ATM: variants seen among roughly 807,000 people sequenced by gnomAD.
ATM encodes serine-protein kinase ATM.
A neutral mutation model predicts 387.0 loss-of-function variants in ATM; 308 were observed. The ratio of observed to expected loss-of-function variants is 0.80; its 90% CI spans 0.73 to 0.87. ATM has a LOEUF of 0.87. Ranked by LOEUF, ATM falls within the 40% of genes least tolerant of loss-of-function variation. ATM has a pLI of 0.00. For missense variants in ATM, 3,312 were observed against 3,560.9 expected (o/e 0.93, Z 1.78); for synonymous variants, 1,156 against 1,187.3 (o/e 0.97, Z 0.54).
chr11:108,253,757 T>C (rs2135363919), intron 12 of ATM, 57 bp from the exon 13 acceptor site: 2 of 1,324,552 alleles, frequency 1.5e-6, no homozygotes, highest in Non-Finnish European at 2.2e-6. Flanking sequence ...TGCTAATACA[T>C]ATAAGGCAAA....
rs1555091169 is a variant in ATM, at chr11:108,281,029, A to G, written c.3437A>G (p.Glu1146Gly). The stretch of plus-strand genomic sequence containing the variant: ...GCTGAGAACCCTGAAACTTTGGATG[A>G]AATTTATAATAGAAAATCTGTTTTA... ...HSAENPETLDEIYNRKSVLLT... is the reference protein window; with the variant it reads ...HSAENPETLDGIYNRKSVLLT... The change falls in exon 24 of 63, where the codon GAA becomes GGA. Residue 1146 changes from glutamate (E) to glycine (G), a missense_variant. Around this residue, in one of 4 missense-constraint regions of ATM, gnomAD observed 1,791 missense variants for 1,804.5 expected, o/e 0.99. Coordinates refer to ENST00000675843, the MANE Select transcript of ATM (RefSeq NM_000051.4). The G allele has an allele frequency of 1.9e-6, 3 of 1,613,516 alleles. No homozygotes were observed. The highest frequency in any genetic ancestry group is 1.1e-5 in the South Asian group (1 of 90,982).
intron 8 of ATM, among the ~76,000 whole-genome samples, chr11:108,247,970 C>T (rs1472992359): frequency 3.3e-5 from 5 of 152,152 alleles, no homozygotes. Flanking sequence ...TCTCCTAGAT[C>T]CTGGCAACCA....
chr11:108,312,009 A>C (rs61915065), intron 39 of ATM, among the ~76,000 whole-genome samples: 3,484 of 152,268 alleles, frequency 0.023, 61 homozygotes, highest in Middle Eastern at 0.044. Context: ...AGATGTCTTA[A>C]ATTTATATCT....
At chr11:108,335,999 A>G (rs2136703737) in intron 56 of ATM, 38 bp downstream of exon 56, 1 of 1,493,962 alleles carries the variant, frequency 6.7e-7, no homozygotes, top group East Asian at 2.3e-5. Context: ...CCAAAAACAT[A>G]TAAAAGATGC....
chr11:108,265,885 G>A (rs1408673842), intron 16 of ATM, among the ~76,000 whole-genome samples: 3 of 139,890 alleles, frequency 2.1e-5, no homozygotes, highest in East Asian at 2.0e-4. Flanking sequence ...ATGAAAAAAT[G>A]CTCATCATCA....
At chr11:108,254,777 G>T (rs4987956) in intron 13 of ATM, among the ~76,000 whole-genome samples, 4 of 152,040 alleles carry the variant, frequency 2.6e-5, no homozygotes, top group Non-Finnish European at 5.9e-5. Flanking sequence ...TCAGTCTTCC[G>T]AGTAGCTGGG....
chr11:108,307,975 G>C lies in ATM; in HGVS notation c.5753G>C (p.Arg1918Thr), dbSNP rs148064985. The C allele has an allele frequency of 4.5e-5, 73 of 1,610,634 alleles. No individual in the cohort carries two copies. Among genetic ancestry groups the C allele is most frequent in the Middle Eastern group, 3.3e-4 (2 of 6,054 alleles). ...TMLAVVDYMR[R>T]QKRPSSGTIF... ...CTTGCTGTTGTGGACTACATGAGAAGACAAAAGAGGTAATGTAATGAGTGT... is the reference window on the plus strand; with the variant it reads ...CTTGCTGTTGTGGACTACATGAGAACACAAAAGAGGTAATGTAATGAGTGT... Residue 1918 changes from arginine (R) to threonine (T), a missense_variant, in exon 38 of 63, where the codon AGA becomes ACA. This residue lies in a region of ATM where 1,405 missense variants were observed against 1,604.4 expected (regional missense o/e 0.88). Coordinates refer to ENST00000675843, the MANE Select transcript of ATM (RefSeq NM_000051.4).
chr11:108,335,641 G>T (rs371032532), intron 55 of ATM, among the ~76,000 whole-genome samples: 1 of 152,108 alleles, frequency 6.6e-6, no homozygotes, highest in African/African-American at 2.4e-5. Context: ...CAGAAGTAGC[G>T]AGGGGAAACT....
chr11:108,260,078 G>A lies in ATM; in HGVS notation c.2466+1003G>A, dbSNP rs138662390. Among the ~76,000 whole-genome samples the A allele has an allele frequency of 6.8e-3, 972 of 142,840 alleles. 12 individuals carry two copies. The highest frequency in any genetic ancestry group is 0.024 in the African/African-American group (884 of 37,416). 93.7% of individuals were successfully genotyped at this position (142,840 alleles called of 152,430 possible). On this transcript the variant is annotated intron_variant, in intron 16 of 62. Transcript: ENST00000675843. ...GAGACAAAGTCTTGCTCTGTTGCCC[G>A]GGCTGGAGTTCAGTGGCACAATCTC...
At chr11:108,229,043 G>T (rs2078875349) in intron 3 of ATM, 135 bp from the exon 4 acceptor site, 3 of 824,938 alleles carry the variant, frequency 3.6e-6, no homozygotes, top group African/African-American at 3.5e-5. Context: ...TGTTTTATTT[G>T]TTTTTTTCAG....
chr11:108,292,590 GTTGT>G, intron 29 of ATM, 25 bp from the exon 30 acceptor site: 1 of 1,610,196 alleles, frequency 6.2e-7, no homozygotes. Flanking sequence ...CTTACTGGTT[GTTGT>G]TGTTTTTTTT....
chr11:108,354,107 G>A, intron 60 of ATM, among the ~76,000 whole-genome samples: 2 of 123,718 alleles, frequency 1.6e-5, no homozygotes, highest in Non-Finnish European at 1.7e-5. Context: ...ACACACACAC[G>A]GGTTAGAGAT....
intron 50 of ATM, among the ~76,000 whole-genome samples, chr11:108,330,985 G>T (rs1241853989): frequency 1.3e-5 from 2 of 152,130 alleles, no homozygotes; most frequent in East Asian, 3.8e-4. Flanking sequence ...TTGAAGGTTA[G>T]AGATAAAATG....
chr11:108,291,554 G>A (rs1273859049), intron 29 of ATM, among the ~76,000 whole-genome samples: 1 of 152,112 alleles, frequency 6.6e-6, no homozygotes, highest in Non-Finnish European at 1.5e-5. Flanking sequence ...TCTATTTTCT[G>A]TCTCAATGAA....
chr11:108,335,886 C>A lies in ATM; in HGVS notation c.8193C>A (p.Val2731=), dbSNP rs1060504307. Residue 2731 remains valine (V), a synonymous_variant, in exon 56 of 63, where the codon GTC becomes GTA. Transcript: ENST00000675843. The part of the protein sequence containing the change: ...DLRQDAVMQQ[V]FQMCNTLLQR... Reference sequence around the variant, plus strand: ...GACAAGATGCTGTCATGCAACAGGTCTTCCAGATGTGTAATACATTACTGC... The same window carrying A: ...GACAAGATGCTGTCATGCAACAGGTATTCCAGATGTGTAATACATTACTGC... 6.2e-7 allele frequency: 1 copy of A among 1,613,960 alleles called. No individual in the cohort carries two copies. Among genetic ancestry groups the A allele is most frequent in the Non-Finnish European group, 8.5e-7 (1 of 1,179,934 alleles).
chr11:108,281,090 T>TA lies in ATM; in HGVS notation c.3499dup (p.Ile1167AsnfsTer12). 6.2e-7 allele frequency: 1 copy of TA among 1,614,030 alleles called. No individual in the cohort carries two copies. The highest frequency in any genetic ancestry group is 8.5e-7 in the Non-Finnish European group (1 of 1,179,940). On this transcript the variant is annotated frameshift_variant, in exon 24 of 63. Transcript: ENST00000675843. LOFTEE classifies it high-confidence loss of function. ...TAGCTGTGGTTTTATCCTGTAGCCC[T>TA]ATCTGCGAAAAACAGGCTTTGTTTG...
intron 52 of ATM, 39 bp from the exon 53 acceptor site, chr11:108,332,723 G>C (rs373136939): frequency 6.3e-7 from 1 of 1,597,038 alleles, no homozygotes; most frequent in Non-Finnish European, 8.5e-7. Flanking sequence ...TAAATGTTGG[G>C]TAGTTCCTTA....
Position 108,329,027 on chromosome 11 carries a change from G to T in ATM, c.7096G>T (p.Glu2366Ter), listed in dbSNP as rs587781672. Reference sequence around the variant, plus strand: ...TGGTTGTGTTTTCTTGAAGGCAGTAGAAGTTGCTGGAAATTATGATGGAGA... The same window carrying T: ...TGGTTGTGTTTTCTTGAAGGCAGTATAAGTTGCTGGAAATTATGATGGAGA... ...IMQTYLEKAV[E>*]VAGNYDGESS... is the part of the protein sequence containing the mutation. The change falls in exon 49 of 63, where the codon GAA (glutamate) becomes TAA (stop). Residue 2366 changes from glutamate (E) to a stop codon, truncating the protein, a stop_gained. Transcript: ENST00000675843. LOFTEE classifies it high-confidence loss of function. 1.9e-6 allele frequency: 3 copies of T among 1,613,910 alleles called. No individual in the cohort carries two copies. Among genetic ancestry groups the T allele is most frequent in the African/African-American group, 1.3e-5 (1 of 75,052 alleles).
intron 22 of ATM, among the ~76,000 whole-genome samples, chr11:108,274,607 T>C (rs886237773): frequency 2.0e-5 from 3 of 152,238 alleles, no homozygotes; most frequent in Non-Finnish European, 4.4e-5. Context: ...TACTTATTTC[T>C]GCCTTCATTT....
Sources: gnomAD v4.1 joint callset for allele counts (sites outside exome capture counted in the v4.1 genomes callset) on GRCh38, gnomAD v4.1.1 for gene constraint, gnomAD v4.1.1 regional missense constraint, MANE v1.5 for transcripts, NCBI Gene and HGNC (gene_info 2026-07-23, HGNC 2026-07-21) for gene names.